Variants in MED23 observed in about 807,000 individuals in gnomAD.
The protein encoded by MED23 is mediator of RNA polymerase II transcription subunit 23.
A neutral mutation model predicts 163.9 loss-of-function variants in MED23; 105 were observed. The ratio of observed to expected loss-of-function variants is 0.64; its 90% CI spans 0.55 to 0.75. The LOEUF is 0.75. Ranked by LOEUF, MED23 falls within the 30% of genes least tolerant of loss-of-function variation. The pLI, the probability that MED23 is intolerant of heterozygous loss-of-function variation, is 0.00. For synonymous variants in MED23, 561 were observed against 565.6 expected, an observed-to-expected ratio of 0.99 and a Z score of 0.12; for missense variants, 1,054 against 1,649.0, an observed-to-expected ratio of 0.64 and a Z score of 6.25.
chr6:131,621,976 C>T lies in MED23; in HGVS notation c.400G>A (p.Val134Ile), dbSNP rs772625264. 1.2e-6 allele frequency: 2 copies of T among 1,609,368 alleles called. No homozygotes were observed. Among genetic ancestry groups the T allele is most frequent in the Non-Finnish European group, 1.7e-6 (2 of 1,175,864 alleles). ...KIIGGVDYKGVRDLLKVILEK... is the reference protein window; with the variant it reads ...KIIGGVDYKGIRDLLKVILEK... ...AAAATCACTTTTAAGAGATCTCGAA[C>T]ACCCTGATATAAGAAAAAAGACATG... Residue 134 changes from valine to isoleucine, a missense_variant, in exon 6 of 29, where the codon GTT (valine) becomes ATT (isoleucine). By Grantham distance (29) the Val-to-Ile change is conservative. Around this residue, in one of 11 missense-constraint regions of MED23, gnomAD observed 227 missense variants for 235.5 expected, o/e 0.96. Transcript: ENST00000368068.
chr6:131,624,499 T>G (rs187261391), intron 4 of MED23, among the ~76,000 whole-genome samples: 2 of 152,328 alleles, frequency 1.3e-5, no homozygotes, highest in East Asian at 3.9e-4. Context: ...CATTATGACC[T>G]TGAGTAAAAA....
At chr6:131,607,414 A>C (rs1032115169) in intron 12 of MED23, among the ~76,000 whole-genome samples, 6 of 152,020 alleles carry the variant, frequency 3.9e-5, no homozygotes, top group African/African-American at 9.7e-5. Context: ...GCATGTTGGC[A>C]TGTGCATGTA....
rs192916231 is a variant in MED23, at chr6:131,618,485, C to T, written c.702G>A (p.Ser234=). The T allele has an allele frequency of 1.2e-5, 19 of 1,613,874 alleles. No homozygotes were observed. The East Asian group carries it at 3.3e-4, about 28-fold the overall frequency. Residue 234 remains serine (S), a synonymous_variant, in exon 9 of 29, where the codon TCG becomes TCA. Transcript: ENST00000368068. ...RCSLLPVVNN[S]GAICNSWKLD... ...GTTTCCATGAATTACAAATGGCACC[C>T]GAATTATTTACAACTGGCAGAAGAC... is the stretch of plus-strand genomic sequence containing the variant.
At position 131,598,126 on chromosome 6, in the gene MED23, G is replaced by A. The variant is rs1775207672; in HGVS notation, c.2607+161C>T. 41 of 772,786 alleles carry A rather than the reference G, an allele frequency of 5.3e-5. No homozygotes were observed. The South Asian group carries it at 6.1e-4, about 12-fold the overall frequency. 47.9% of individuals were successfully genotyped at this position (772,786 alleles called of 1,614,324 possible). A position where few individuals can be genotyped will look rare whatever the true frequency, so the allele number is the denominator to read the frequency against. ...AAAAAAACAAAAACAAACAAAAACA[G>A]AAATTGGAAAATTTCCGGCTCTTTA... On this transcript the variant is annotated intron_variant, in intron 20 of 28. Coordinates refer to ENST00000368068, the MANE Select transcript of MED23 (RefSeq NM_004830.4). The surrounding 1 kb of genome is among the most constrained non-coding windows in gnomAD (Gnocchi z 4.7).
At chr6:131,620,134 T>C (rs1776985790) in intron 7 of MED23, among the ~76,000 whole-genome samples, 1 of 152,148 alleles carries the variant, frequency 6.6e-6, no homozygotes, top group African/African-American at 2.4e-5. Context: ...ATGAAGCTGA[T>C]CATATTTTAT....
downstream of MED23, chr6:131,583,320 A>G (rs1323976335): frequency 6.2e-7 from 1 of 1,613,922 alleles, no homozygotes; most frequent in African/African-American, 1.3e-5. Context: ...GAAGCCATCA[A>G]CCTTAAACTG....
intron 6 of MED23, 66 bp from the exon 7 acceptor site, chr6:131,620,795 A>G (rs1777040879): frequency 7.9e-6 from 7 of 890,864 alleles, no homozygotes; most frequent in Non-Finnish European, 1.2e-5. Flanking sequence ...TATTTTATTT[A>G]TTATCATTAT....
In MED23 at chr6:131,589,553, C is replaced by T; in HGVS notation, c.3851G>A (p.Cys1284Tyr). 1 of 1,613,852 alleles carries T rather than the reference C, an allele frequency of 6.2e-7. No individual in the cohort carries two copies. The highest frequency in any genetic ancestry group is 1.1e-5 in the South Asian group (1 of 91,078). ...FYDMLLNVDQ[C>Y]STHLNYMDPI... ...ATCCATGTAATTTAAATGGGTGCTACACTGGTCAACATTCAGCAGCATGTC... is the reference window on the plus strand; with the variant it reads ...ATCCATGTAATTTAAATGGGTGCTATACTGGTCAACATTCAGCAGCATGTC... Residue 1284 changes from cysteine to tyrosine, a missense_variant, in exon 28 of 29, where the codon TGT (cysteine) becomes TAT (tyrosine). Cys to Tyr is a radical substitution (Grantham distance 194, BLOSUM62 -2). Transcript: ENST00000368068.
At chr6:131,618,925 A>G (rs56155296) in intron 8 of MED23, among the ~76,000 whole-genome samples, 4,421 of 152,336 alleles carry the variant, frequency 0.029, 108 homozygotes, top group Middle Eastern at 0.1. Context: ...GGCCCTTTAC[A>G]GGAAAAAGTT....
chr6:131,604,969 A>G (rs762899740), intron 14 of MED23, among the ~76,000 whole-genome samples: 2 of 152,206 alleles, frequency 1.3e-5, no homozygotes, highest in African/African-American at 2.4e-5. Flanking sequence ...CTCATTCTTA[A>G]CTATCTATAA....
chr6:131,608,577 T>C (rs1350377078), intron 11 of MED23, among the ~76,000 whole-genome samples: 2 of 152,136 alleles, frequency 1.3e-5, no homozygotes, highest in African/African-American at 2.4e-5. Flanking sequence ...TGTATCTTTT[T>C]AGAACAAGGA....
intron 7 of MED23, 37 bp from the exon 8 acceptor site, chr6:131,619,933 C>T (rs753815239): frequency 2.4e-5 from 33 of 1,371,896 alleles, no homozygotes; most frequent in African/African-American, 8.6e-5. Flanking sequence ...CAAATAAATA[C>T]GTACAAAAGG....
At chr6:131,604,569 A>G (rs17060440) in intron 14 of MED23, among the ~76,000 whole-genome samples, 1,823 of 152,256 alleles carry the variant, frequency 0.012, 40 homozygotes, top group African/African-American at 0.042. Flanking sequence ...CAAACTTTGG[A>G]TTCAACTCAT....
chr6:131,589,288 C>T, intron 28 of MED23, among the ~76,000 whole-genome samples, 177 bp downstream of exon 28: 1 of 152,124 alleles, frequency 6.6e-6, no homozygotes, highest in African/African-American at 2.4e-5. Flanking sequence ...TCCTTTAATA[C>T]TACATCTAGA....
At chr6:131,582,824 C>T (rs1774003752), downstream of MED23, 1 of 917,348 alleles carries the variant, frequency 1.1e-6, no homozygotes, top group Admixed American at 1.8e-5. Context: ...GACACACACA[C>T]ACACACATGC....
intron 14 of MED23, among the ~76,000 whole-genome samples, chr6:131,604,844 C>T (rs57832109): frequency 1.3e-5 from 2 of 152,256 alleles, no homozygotes; most frequent in Non-Finnish European, 1.5e-5. Flanking sequence ...TCTCTTTGGC[C>T]TATACAGTGG....
chr6:131,593,805 GT>G (rs1774834230), intron 23 of MED23, among the ~76,000 whole-genome samples: 1 of 152,012 alleles, frequency 6.6e-6, no homozygotes, highest in African/African-American at 2.4e-5. Context: ...AATATAGTAT[GT>G]AAGAATAAGA....
rs780354101 is a variant in MED23 at position 131,610,193 on chromosome 6, A to G, written c.930T>C (p.Tyr310=). The part of the protein sequence containing the change: ...LEDQLVDLVV[Y]AMERSETEEK... Reference sequence around the variant, plus strand: ...CCTCGGTCTCAGATCGCTCCATGGCATAAACAACCAGATCCACCAACTGGT... The same window carrying G: ...CCTCGGTCTCAGATCGCTCCATGGCGTAAACAACCAGATCCACCAACTGGT... Residue 310 remains tyrosine (Y), a synonymous_variant, in exon 11 of 29, where the codon TAT becomes TAC. Transcript: ENST00000368068. 16 of 1,613,946 alleles carry G rather than the reference A, an allele frequency of 9.9e-6. No individual in the cohort carries two copies. The highest frequency in any genetic ancestry group is 1.3e-5 in the Non-Finnish European group (15 of 1,179,960).
intron 9 of MED23, among the ~76,000 whole-genome samples, chr6:131,617,244 T>C (rs1776757551): frequency 6.6e-6 from 1 of 151,636 alleles, no homozygotes. Context: ...GCTGGGGACA[T>C]AGCATTTTGA....
Sources: gnomAD v4.1 joint callset for allele counts (sites outside exome capture counted in the v4.1 genomes callset) on GRCh38, gnomAD v4.1.1 for gene constraint, gnomAD v4.1.1 regional missense constraint, Gnocchi (gnomAD v3.1) non-coding constraint, MANE v1.5 for transcripts, NCBI Gene and HGNC (gene_info 2026-07-23, HGNC 2026-07-21) for gene names.